PCDH15: variants seen among roughly 807,000 people sequenced by gnomAD.
PCDH15 encodes protocadherin related 15, also known as protocadherin-15.
A neutral mutation model predicts 178.5 loss-of-function variants in PCDH15; 129 were observed. The observed-to-expected ratio is 0.72, with a 90% confidence interval of 0.63 to 0.84. The LOEUF is 0.84. Ranked by LOEUF, PCDH15 falls within the 40% of genes least tolerant of loss-of-function variation. PCDH15 has a pLI of 0.00. For missense variants in PCDH15, 2,230 were observed against 2,099.9 expected (o/e 1.06, Z -1.21); for synonymous variants, 800 against 732.0 (o/e 1.09, Z -1.50).
intron 2 of PCDH15, among the ~76,000 whole-genome samples, chr10:55,524,059 C>CTTT (rs35312025): frequency 1.4e-5 from 2 of 145,072 alleles, no homozygotes; most frequent in Non-Finnish European, 1.5e-5. Context: ...ATGTAAAAAC[C>CTTT]TTTTTTTTTT....
At chr10:54,632,799 A>G (rs1678459535) in intron 2 of PCDH15, among the ~76,000 whole-genome samples, 1 of 152,074 alleles carries the variant, frequency 6.6e-6, no homozygotes, top group Non-Finnish European at 1.5e-5. Context: ...CTCAAACGCT[A>G]AGATATTCCA....
At chr10:55,462,486 C>A (rs1839700705) in intron 2 of PCDH15, among the ~76,000 whole-genome samples, 1 of 152,064 alleles carries the variant, frequency 6.6e-6, no homozygotes, top group African/African-American at 2.4e-5. Flanking sequence ...CTGAGTATGG[C>A]AAGGAGTATC....
chr10:54,184,241 A>G (rs1487730653), intron 12 of PCDH15, among the ~76,000 whole-genome samples: 1 of 152,188 alleles, frequency 6.6e-6, no homozygotes, highest in Non-Finnish European at 1.5e-5. Flanking sequence ...TTTAACAATC[A>G]CATAAACTTT....
At chr10:55,431,863 T>C (rs1402448567) in intron 2 of PCDH15, among the ~76,000 whole-genome samples, 1 of 152,168 alleles carries the variant, frequency 6.6e-6, no homozygotes, top group Non-Finnish European at 1.5e-5. Context: ...TATGATTCCA[T>C]TTCCCTCCTC....
At chr10:55,016,514 C>G (rs919959208) in intron 2 of PCDH15, among the ~76,000 whole-genome samples, 1 of 152,120 alleles carries the variant, frequency 6.6e-6, no homozygotes, top group African/African-American at 2.4e-5. Context: ...TAAAGTATGT[C>G]TTTCTGTGCC....
chr10:54,488,051 GC>G (rs2079255073), intron 3 of PCDH15, among the ~76,000 whole-genome samples: 1 of 151,640 alleles, frequency 6.6e-6, no homozygotes. Context: ...GAAGAGAACA[GC>G]AAAAGATAAT....
intron 20 of PCDH15, among the ~76,000 whole-genome samples, chr10:54,019,497 G>A (rs11591862): frequency 0.18 from 27,042 of 151,986 alleles, 2,868 homozygotes; most frequent in Non-Finnish European, 0.24. Context: ...TTAAGATGAC[G>A]CTCAGAGGAT....
rs79003245 is a variant in PCDH15, at chr10:54,081,550, A to G, written c.1998-2126T>C. Among the ~76,000 whole-genome samples, 984 of 152,150 alleles carry G rather than the reference A, an allele frequency of 6.5e-3. 35 individuals carry two copies. In the East Asian group the frequency reaches 0.094, roughly 15 times the overall value. On this transcript the variant is annotated intron_variant, in intron 16 of 37. Coordinates refer to ENST00000644397, the MANE Select transcript of PCDH15 (RefSeq NM_001384140.1). Reference sequence around the variant, plus strand: ...TGTGTGGTATATTTGGGCAATGCAGAAGGGGAGAAACACAGGCAGTGTATT... The same window carrying G: ...TGTGTGGTATATTTGGGCAATGCAGGAGGGGAGAAACACAGGCAGTGTATT...
At chr10:54,605,589 A>C (rs1241648067) in intron 2 of PCDH15, 1 of 152,142 alleles carries the variant, frequency 6.6e-6, no homozygotes, top group Non-Finnish European at 1.5e-5. Context: ...AGAGTATGCC[A>C]GCTCTCATCA....
chr10:54,718,280 A>G (rs563841595), intron 1 of PCDH15, among the ~76,000 whole-genome samples: 2 of 152,254 alleles, frequency 1.3e-5, no homozygotes, highest in Non-Finnish European at 2.9e-5. Context: ...TAATAAAAAG[A>G]AAATGAGCTG....
In PCDH15 at chr10:53,979,315, T is replaced by C. The variant is rs146666505; in HGVS notation, c.2868+16334A>G. 4.6e-3 allele frequency among the ~76,000 whole-genome samples: 694 copies of C among 152,296 alleles called. 6 individuals carry two copies. The highest frequency in any genetic ancestry group is 0.016 in the African/African-American group (663 of 41,558). On this transcript the variant is annotated intron_variant, in intron 21 of 37. Transcript: ENST00000644397. ...AGTGAAGTAAGGGAAAAATCCCTTATAAAACCATCAGATTTTGTGAGAACT... is the reference window on the plus strand; with the variant it reads ...AGTGAAGTAAGGGAAAAATCCCTTACAAAACCATCAGATTTTGTGAGAACT...
At chr10:55,044,855 C>A (rs1481058089) in intron 2 of PCDH15, among the ~76,000 whole-genome samples, 2 of 152,054 alleles carry the variant, frequency 1.3e-5, no homozygotes, top group African/African-American at 4.8e-5. Context: ...AAATCACAAT[C>A]CCCACCCTCA....
chr10:55,383,916 T>C (rs1837594329), intron 2 of PCDH15, among the ~76,000 whole-genome samples: 1 of 152,102 alleles, frequency 6.6e-6, no homozygotes, highest in Non-Finnish European at 1.5e-5. Context: ...CAAAAGCACA[T>C]TCAAAATTAT....
chr10:54,689,724 G>A (rs749980186), intron 1 of PCDH15, among the ~76,000 whole-genome samples: 3 of 152,176 alleles, frequency 2.0e-5, no homozygotes, highest in Non-Finnish European at 4.4e-5. Flanking sequence ...AGGCAGTGAA[G>A]ACATGATCTT....
chr10:55,366,728 G>T (rs185869144), intron 2 of PCDH15, among the ~76,000 whole-genome samples: 259 of 152,254 alleles, frequency 1.7e-3, no homozygotes, highest in African/African-American at 5.9e-3. Flanking sequence ...GGTTTATATA[G>T]CAATCTTTTT....
intron 20 of PCDH15, among the ~76,000 whole-genome samples, chr10:53,997,535 CTTTAT>C (rs1191387870): frequency 6.6e-6 from 1 of 152,054 alleles, no homozygotes; most frequent in Non-Finnish European, 1.5e-5. Context: ...AAATTTTATT[CTTTAT>C]TTTATTCTCA....
intron 3 of PCDH15, among the ~76,000 whole-genome samples, chr10:54,457,852 A>G (rs550733944): frequency 7.2e-5 from 11 of 152,198 alleles, no homozygotes; most frequent in Non-Finnish European, 1.5e-4. Flanking sequence ...CTGTGTATTG[A>G]GTTTCTACTC....
intron 2 of PCDH15, among the ~76,000 whole-genome samples, chr10:55,156,733 G>C (rs1421049398): frequency 6.6e-6 from 1 of 152,014 alleles, no homozygotes; most frequent in Non-Finnish European, 1.5e-5. Flanking sequence ...TATTCCAGAG[G>C]GGGAGTTTGT....
chr10:54,076,191 T>C (rs2094338732), intron 17 of PCDH15, among the ~76,000 whole-genome samples: 1 of 152,164 alleles, frequency 6.6e-6, no homozygotes, highest in Admixed American at 6.5e-5. Flanking sequence ...GTTAAGTTAA[T>C]TCCTGAGTAT....
Sources: gnomAD v4.1 joint callset for allele counts (sites outside exome capture counted in the v4.1 genomes callset) on GRCh38, gnomAD v4.1.1 for gene constraint, MANE v1.5 for transcripts, NCBI Gene and HGNC (gene_info 2026-07-23, HGNC 2026-07-21) for gene names.